The following PRKAR1A variants were observed in gnomAD, a reference collection of about 807,000 sequenced individuals.
The protein encoded by PRKAR1A is cAMP-dependent protein kinase type I-alpha regulatory subunit.
In PRKAR1A, 3 loss-of-function variants were observed where a neutral mutation model predicts 52.0. That is an observed-to-expected ratio of 0.06 (90% CI 0.03 to 0.15). PRKAR1A has a LOEUF of 0.15. Ranked by LOEUF, PRKAR1A falls within the 10% of genes least tolerant of loss-of-function variation. The probability of loss-of-function intolerance (pLI) is 1.00; values close to 1 mark genes in which losing one functional copy is unlikely to be tolerated. For missense variants in PRKAR1A, 240 were observed against 477.4 expected (o/e 0.50, Z 4.63); for synonymous variants, 188 against 168.4 (o/e 1.12, Z -0.90).
chr17:68,533,489 T>C, downstream of PRKAR1A: 1 of 929,020 alleles, frequency 1.1e-6, no homozygotes, highest in Non-Finnish European at 1.3e-6. Context: ...GTGGCCCAAG[T>C]AGACTCTTTT....
the PRKAR1A span, among the ~76,000 whole-genome samples, chr17:68,465,104 T>G: frequency 6.6e-6 from 1 of 151,788 alleles, no homozygotes; most frequent in Admixed American, 6.6e-5. Flanking sequence ...TTTTTTTTTT[T>G]TGTATTTTCA....
the PRKAR1A span, chr17:68,426,254 G>GGGGCCCCCCCCC: frequency 6.1e-6 from 5 of 816,898 alleles, no homozygotes; most frequent in Non-Finnish European, 7.8e-6. Flanking sequence ...GGGAGCGGGG[G>GGGGCCCCCCCCC]CTCAAATAAA....
intron 7 of PRKAR1A, among the ~76,000 whole-genome samples, chr17:68,526,578 A>ATAGATAGATTAGAT: frequency 6.6e-6 from 1 of 152,302 alleles, no homozygotes; most frequent in African/African-American, 2.4e-5. Context: ...TTTGGGATAT[A>ATAGATAGATTAGAT]TAGATAGATT....
At chr17:68,541,021 C>CA in intron 11 of PRKAR1A, 1 of 1,547,124 alleles carries the variant, frequency 6.5e-7, no homozygotes, top group Non-Finnish European at 8.7e-7. Flanking sequence ...GGGGGTCTCC[C>CA]CACACCTCCC....
At chr17:68,542,926 G>A (rs1216032519) in intron 11 of PRKAR1A, 3 of 775,394 alleles carry the variant, frequency 3.9e-6, no homozygotes, top group Non-Finnish European at 6.8e-6. Context: ...AGGGTGGCCG[G>A]TGAGGCGTGA....
At chr17:68,522,619 T>C in intron 2 of PRKAR1A, 137 bp from the exon 3 acceptor site, 3 of 910,670 alleles carry the variant, frequency 3.3e-6, no homozygotes, top group Non-Finnish European at 3.5e-6. Context: ...CCCTTTGGAA[T>C]TGGTGTTTTC....
chr17:68,548,725 A>ATTTTTT (rs753348891), intron 11 of PRKAR1A, among the ~76,000 whole-genome samples: 7 of 79,178 alleles, frequency 8.8e-5, no homozygotes, highest in Admixed American at 1.7e-4. Context: ...ATGCCTGTAT[A>ATTTTTT]TTTTTTTTTT....
intron 11 of PRKAR1A, among the ~76,000 whole-genome samples, chr17:68,547,508 G>T (rs1388476593): frequency 2.6e-5 from 4 of 152,180 alleles, no homozygotes; most frequent in Non-Finnish European, 4.4e-5. Flanking sequence ...AGATCTTCTG[G>T]ATAACCTGCT....
chr17:68,457,152 G>C, the PRKAR1A span, among the ~76,000 whole-genome samples: 2 of 152,122 alleles, frequency 1.3e-5, no homozygotes, highest in Non-Finnish European at 2.9e-5. Context: ...GAGTGGGGTG[G>C]GGTGGGGGGT....
downstream of PRKAR1A, chr17:68,537,590 T>C: frequency 6.2e-7 from 1 of 1,613,514 alleles, no homozygotes; most frequent in Non-Finnish European, 8.5e-7. This position sits in a 1 kb window ranked among gnomAD's most constrained non-coding sequence, Gnocchi z 4.2. Flanking sequence ...GTCCTTAGGA[T>C]GGTTTGGAGC....
the PRKAR1A span, among the ~76,000 whole-genome samples, chr17:68,465,625 ATTTTT>A: frequency 6.5e-4 from 44 of 67,192 alleles, 1 homozygote; most frequent in Admixed American, 3.9e-4. Context: ...ACGCCCAGCA[ATTTTT>A]TTTTTTTTTT....
At chr17:68,436,771 C>T in the PRKAR1A span, among the ~76,000 whole-genome samples, 2 of 151,928 alleles carry the variant, frequency 1.3e-5, no homozygotes, top group Admixed American at 6.6e-5. Flanking sequence ...TTGAGGCGGG[C>T]GGATCACTTG....
the PRKAR1A span, among the ~76,000 whole-genome samples, chr17:68,442,032 A>G: frequency 6.6e-6 from 1 of 152,198 alleles, no homozygotes; most frequent in African/African-American, 2.4e-5. Flanking sequence ...TTTACAAACA[A>G]TATACACTGT....
rs530304186 is a variant in PRKAR1A at position 68,528,367 on chromosome 17, T to G, written c.769+467T>G. ...TACAGTGAATTTTTCACCTCTTCTTTGTCTTTTCTTTGAATTGGTTACATA... is the reference window on the plus strand; with the variant it reads ...TACAGTGAATTTTTCACCTCTTCTTGGTCTTTTCTTTGAATTGGTTACATA... On this transcript the variant is annotated intron_variant, in intron 8 of 10. Coordinates refer to ENST00000589228, the MANE Select transcript of PRKAR1A (RefSeq NM_002734.5). 2.6e-5 allele frequency among the ~76,000 whole-genome samples: 4 copies of G among 152,358 alleles called. No individual in the cohort carries two copies. The East Asian group carries it at 7.7e-4, about 29-fold the overall frequency.
the PRKAR1A span, among the ~76,000 whole-genome samples, chr17:68,434,306 G>T: frequency 1.8e-4 from 28 of 152,284 alleles, 1 homozygote; most frequent in African/African-American, 6.7e-4. Flanking sequence ...CATTTCTCCT[G>T]TGCCGGCCGC....
chr17:68,470,327 G>C, the PRKAR1A span, among the ~76,000 whole-genome samples: 1 of 152,126 alleles, frequency 6.6e-6, no homozygotes, highest in Non-Finnish European at 1.5e-5. Flanking sequence ...TGATCCACCC[G>C]CCTTGGCCTC....
chr17:68,433,578 A>G, the PRKAR1A span: 21 of 1,613,068 alleles, frequency 1.3e-5, no homozygotes, highest in South Asian at 2.1e-4. Context: ...TCACATACCT[A>G]CAAGCACAGC....
Position 68,531,702 on chromosome 17 carries a change from A to G in PRKAR1A, c.*1253A>G, listed in dbSNP as rs977700981. On this transcript the variant is annotated 3_prime_UTR_variant, in exon 11 of 11. Coordinates refer to ENST00000589228, the MANE Select transcript of PRKAR1A (RefSeq NM_002734.5). ...CTATCTAGCATTTATTTCTCTGGCA[A>G]ACTTTTCTTTCTTTTCTTTTTTAAA... 1 of 1,063,874 alleles carries G rather than the reference A, an allele frequency of 9.4e-7. No homozygotes were observed. The highest frequency in any genetic ancestry group is 5.0e-5 in the East Asian group (1 of 20,162). The allele number at this position is 1,063,874 out of a possible 1,614,324, so 65.9% of individuals were successfully genotyped here.
the PRKAR1A span, among the ~76,000 whole-genome samples, chr17:68,458,210 TGTATGTCATCTTG>T: frequency 6.6e-6 from 1 of 152,216 alleles, no homozygotes; most frequent in Non-Finnish European, 1.5e-5. Flanking sequence ...CGCCGTACTA[TGTATGTCATCTTG>T]AATTCTTATA....
Sources: gnomAD v4.1 joint callset for allele counts (sites outside exome capture counted in the v4.1 genomes callset) on GRCh38, gnomAD v4.1.1 for gene constraint, Gnocchi (gnomAD v3.1) non-coding constraint, MANE v1.5 for transcripts, NCBI Gene and HGNC (gene_info 2026-07-23, HGNC 2026-07-21) for gene names.